RBFOX1: variants seen among roughly 807,000 people sequenced by gnomAD.
RBFOX1 encodes the protein RNA binding protein fox-1 homolog 1.
A neutral mutation model predicts 57.7 loss-of-function variants in RBFOX1; 8 were observed. That is an observed-to-expected ratio of 0.14 (90% confidence interval 0.08 to 0.25). The LOEUF (loss-of-function observed/expected upper bound fraction) is 0.25, where lower values mean the gene tolerates loss of function less well. Ranked by LOEUF, RBFOX1 falls within the 10% of genes least tolerant of loss-of-function variation. RBFOX1 has a pLI of 1.00. For synonymous variants in RBFOX1, 326 were observed against 222.4 expected (o/e 1.47, Z -4.15); for missense variants, 611 against 548.5 (o/e 1.11, Z -1.14).
At chr16:6,455,977 C>G (rs571363692) in intron 2 of RBFOX1, among the ~76,000 whole-genome samples, 1 of 152,088 alleles carries the variant, frequency 6.6e-6, no homozygotes, top group South Asian at 2.1e-4. Flanking sequence ...AAGCTAGCCA[C>G]TGGAACTGAG....
At chr16:6,761,500 CTTT>C (rs869243278) in intron 3 of RBFOX1, among the ~76,000 whole-genome samples, 18 of 60,148 alleles carry the variant, frequency 3.0e-4, no homozygotes, top group Admixed American at 1.2e-3. Flanking sequence ...TCCCAATCTC[CTTT>C]TTTTTTTTTT....
At chr16:7,191,737 G>A (rs965042331) in intron 4 of RBFOX1, among the ~76,000 whole-genome samples, 2 of 152,136 alleles carry the variant, frequency 1.3e-5, no homozygotes, top group Non-Finnish European at 2.9e-5. Flanking sequence ...TAAAGAAGGG[G>A]GTTAGAGCGA....
At chr16:6,617,597 G>A (rs1247611540) in intron 2 of RBFOX1, among the ~76,000 whole-genome samples, 2 of 152,040 alleles carry the variant, frequency 1.3e-5, no homozygotes, top group African/African-American at 2.4e-5. Context: ...TTACATGTGG[G>A]GGTTCCAAAG....
chr16:6,907,982 C>G (rs980695006), intron 3 of RBFOX1, among the ~76,000 whole-genome samples: 1 of 151,698 alleles, frequency 6.6e-6, no homozygotes. Flanking sequence ...ATGGATGTCT[C>G]TGTGTCTCTA....
chr16:7,628,366 C>T (rs1245719808), intron 10 of RBFOX1, among the ~76,000 whole-genome samples: 1 of 152,144 alleles, frequency 6.6e-6, no homozygotes, highest in African/African-American at 2.4e-5. Context: ...AGATTTCTAG[C>T]AGTGAGCAGA....
chr16:6,206,873 C>T (rs1245556615), intron 1 of RBFOX1, among the ~76,000 whole-genome samples: 1 of 152,106 alleles, frequency 6.6e-6, no homozygotes, highest in Non-Finnish European at 1.5e-5. Context: ...CATTTTATCT[C>T]CCCTTTTCTG....
chr16:6,690,581 A>G (rs1331862429), intron 3 of RBFOX1, among the ~76,000 whole-genome samples: 2 of 152,220 alleles, frequency 1.3e-5, no homozygotes, highest in East Asian at 1.9e-4. Context: ...ATGCAGGATG[A>G]TCTTATGTAT....
At chr16:7,140,155 TCC>T (rs1357294363) in intron 4 of RBFOX1, among the ~76,000 whole-genome samples, 1,422 of 119,562 alleles carry the variant, frequency 0.012, 72 homozygotes, top group African/African-American at 0.058. Flanking sequence ...TCTCCTTCTC[TCC>T]CTCTCTCTCT....
chr16:6,629,284 C>T (rs1435912536), intron 2 of RBFOX1, among the ~76,000 whole-genome samples: 2 of 152,076 alleles, frequency 1.3e-5, no homozygotes, highest in Non-Finnish European at 2.9e-5. Flanking sequence ...AAAAAGAACA[C>T]GAGCATATAA....
At chr16:6,081,722 G>T (rs1012851387) in intron 1 of RBFOX1, among the ~76,000 whole-genome samples, 1 of 152,184 alleles carries the variant, frequency 6.6e-6, no homozygotes, top group African/African-American at 2.4e-5. Context: ...GGGGAAGAAG[G>T]TATCTAGCAA....
chr16:6,009,828 G>C (rs2094950688), intron 4 of RBFOX1, among the ~76,000 whole-genome samples: 1 of 151,986 alleles, frequency 6.6e-6, no homozygotes, highest in Non-Finnish European at 1.5e-5. Context: ...GTGTGTGTGT[G>C]TGTGTGTATA....
intron 3 of RBFOX1, among the ~76,000 whole-genome samples, chr16:5,704,336 C>T (rs570123484): frequency 6.6e-6 from 1 of 152,092 alleles, no homozygotes; most frequent in African/African-American, 2.4e-5. Flanking sequence ...AAATTAAGTA[C>T]TCTCTGCTTA....
Position 7,709,082 on chromosome 16 carries a change from C to T in RBFOX1, c.1022C>T (p.Pro341Leu), listed in dbSNP as rs1380163067. ...DSYGRVYAAD[P>L]YHHALAPAPT... Reference sequence around the variant, plus strand: ...TACGGACGAGTTTATGCTGCCGACCCCTACCACCACGCACTTGCTCCAGCC... The same window carrying T: ...TACGGACGAGTTTATGCTGCCGACCTCTACCACCACGCACTTGCTCCAGCC... The change falls in exon 15 of 16, where the codon CCC becomes CTC. Residue 341 changes from proline to leucine, a missense_variant. Pro to Leu is a moderately conservative substitution (Grantham distance 98, BLOSUM62 -3). Transcript: ENST00000550418. The T allele has an allele frequency of 2.5e-6, 4 of 1,613,532 alleles. No homozygotes were observed. The highest frequency in any genetic ancestry group is 2.2e-5 in the East Asian group (1 of 44,828).
intron 3 of RBFOX1, among the ~76,000 whole-genome samples, chr16:6,849,464 T>G (rs1292634329): frequency 6.6e-6 from 1 of 152,172 alleles, no homozygotes; most frequent in Non-Finnish European, 1.5e-5. Flanking sequence ...GGCCAGGGGT[T>G]CGAGACCAGC....
chr16:6,597,496 A>T (rs963221912), intron 2 of RBFOX1, among the ~76,000 whole-genome samples: 1 of 151,976 alleles, frequency 6.6e-6, no homozygotes, highest in African/African-American at 2.4e-5. Context: ...ACATGGTGAA[A>T]CCCTGTCTCT....
At chr16:6,908,639 A>C (rs148310209) in intron 3 of RBFOX1, among the ~76,000 whole-genome samples, 1 of 152,032 alleles carries the variant, frequency 6.6e-6, no homozygotes, top group African/African-American at 2.4e-5. Context: ...ATCCTATCCT[A>C]TTTCTTCCAG....
chr16:5,536,894 G>A (rs937850593), intron 2 of RBFOX1, among the ~76,000 whole-genome samples: 2 of 152,142 alleles, frequency 1.3e-5, no homozygotes, highest in Non-Finnish European at 2.9e-5. Context: ...TCCATTCTGT[G>A]GGCATCTGGC....
At chr16:5,420,303 T>C (rs2067277691) in intron 1 of RBFOX1, among the ~76,000 whole-genome samples, 1 of 152,130 alleles carries the variant, frequency 6.6e-6, no homozygotes, top group Admixed American at 6.5e-5. Context: ...AAATGGAAAC[T>C]ATTCAATATG....
intron 4 of RBFOX1, among the ~76,000 whole-genome samples, chr16:7,292,085 T>C (rs2095791636): frequency 1.3e-5 from 1 of 75,888 alleles, no homozygotes; most frequent in African/African-American, 4.9e-5. Flanking sequence ...ATATATGATG[T>C]ATAATATATA....
Sources: gnomAD v4.1 joint callset for allele counts (sites outside exome capture counted in the v4.1 genomes callset) on GRCh38, gnomAD v4.1.1 for gene constraint, MANE v1.5 for transcripts, NCBI Gene and HGNC (gene_info 2026-07-23, HGNC 2026-07-21) for gene names.